ZNF267: variants seen among roughly 807,000 people sequenced by gnomAD.
The protein encoded by ZNF267 is zinc finger protein 267.
ZNF267 carries 61 observed loss-of-function variants against 71.6 expected under a neutral mutation model. The observed-to-expected ratio is 0.85, with a 90% CI of 0.69 to 1.05. The LOEUF (loss-of-function observed/expected upper bound fraction) is 1.05. Among genes scored for constraint, ZNF267 ranks in the 50% least tolerant of loss-of-function variants. The pLI is 0.00. For synonymous variants in ZNF267, 288 were observed against 293.2 expected, an observed-to-expected ratio of 0.98 and a Z score of 0.18; for missense variants, 852 against 870.0, an observed-to-expected ratio of 0.98 and a Z score of 0.26.
intron 3 of ZNF267, among the ~76,000 whole-genome samples, chr16:31,909,097 C>G (rs2084114613): frequency 8.5e-6 from 1 of 117,036 alleles, no homozygotes; most frequent in Non-Finnish European, 1.8e-5. Context: ...GTGTCCTCTT[C>G]TATCTTCTAT....
At chr16:31,878,632 T>TG (rs1567470959) in intron 1 of ZNF267, among the ~76,000 whole-genome samples, 1 of 152,050 alleles carries the variant, frequency 6.6e-6, no homozygotes, top group African/African-American at 2.4e-5. Context: ...GACCCAGGGA[T>TG]ATGTCAGAGC....
Position 31,914,843 on chromosome 16 carries a change from G to A in ZNF267, c.594G>A (p.Arg198=). 6.2e-7 allele frequency: 1 copy of A among 1,610,736 alleles called. No individual in the cohort carries two copies. Among genetic ancestry groups the A allele is most frequent in the Non-Finnish European group, 8.5e-7 (1 of 1,179,016 alleles). ...HIYDKTSVLF[R]QVSTLNSYRN... ...ATGATAAAACTTCAGTGTTATTTAG[G>A]CAGGTCTCTACTCTAAATAGTTACC... Residue 198 remains arginine, a synonymous_variant, in exon 4 of 4, where the codon AGG becomes AGA. Coordinates refer to ENST00000300870, the MANE Select transcript of ZNF267 (RefSeq NM_003414.6).
intron 1 of ZNF267, among the ~76,000 whole-genome samples, chr16:31,881,058 G>C (rs1039222055): frequency 1.3e-5 from 2 of 152,302 alleles, no homozygotes; most frequent in Middle Eastern, 3.4e-3. Context: ...GTGGACAAAA[G>C]AGTTGTTATT....
At chr16:31,884,026 G>A (rs2083907510) in intron 1 of ZNF267, among the ~76,000 whole-genome samples, 1 of 148,238 alleles carries the variant, frequency 6.7e-6, no homozygotes, top group African/African-American at 2.7e-5. Flanking sequence ...GTGGCAGAGC[G>A]AGACCCTGTG....
chr16:31,890,900 A>T (rs887579126), intron 3 of ZNF267, among the ~76,000 whole-genome samples: 5 of 152,236 alleles, frequency 3.3e-5, no homozygotes, highest in Non-Finnish European at 7.3e-5. Flanking sequence ...TTTGGAGGTG[A>T]CATTCAGTCT....
In ZNF267 at chr16:31,875,074, A is replaced by G. The variant is rs1286145117; in HGVS notation, c.3+1105A>G. ...GCAAAAAAAACTGTGCCTCTTTTTC[A>G]TTCATCTTCCCCAGGCACAGACACG... is the stretch of plus-strand genomic sequence containing the variant. On this transcript the variant is annotated intron_variant, in intron 1 of 3. Transcript: ENST00000300870. 8 of 1,265,412 alleles carry G rather than the reference A, an allele frequency of 6.3e-6. No homozygotes were observed. In the East Asian group the frequency reaches 2.8e-4, roughly 44 times the overall value. The allele number at this position is 1,265,412 out of a possible 1,614,324, so 78.4% of individuals were successfully genotyped here. A position where few individuals can be genotyped will look rare whatever the true frequency, so the allele number is the denominator to read the frequency against.
chr16:31,906,555 G>A (rs995219624), intron 3 of ZNF267, among the ~76,000 whole-genome samples: 28 of 152,218 alleles, frequency 1.8e-4, no homozygotes, highest in African/African-American at 6.0e-4. Flanking sequence ...GTGAGACTCC[G>A]TGGGTGTAGG....
chr16:31,895,568 C>T (rs1243876323), intron 3 of ZNF267, among the ~76,000 whole-genome samples: 1 of 152,198 alleles, frequency 6.6e-6, no homozygotes, highest in Non-Finnish European at 1.5e-5. Context: ...AGTGGCTATA[C>T]TAATTTATAA....
chr16:31,889,802 C>A (rs902584040), intron 3 of ZNF267, among the ~76,000 whole-genome samples: 1 of 152,166 alleles, frequency 6.6e-6, no homozygotes, highest in African/African-American at 2.4e-5. Flanking sequence ...CCAAAGAATT[C>A]TTGAGGGATC....
chr16:31,887,736 C>CT (rs1182376724), intron 3 of ZNF267, among the ~76,000 whole-genome samples: 1 of 151,966 alleles, frequency 6.6e-6, no homozygotes, highest in Non-Finnish European at 1.5e-5. Flanking sequence ...TTCCATTGGT[C>CT]TATGTGTCTG....
At chr16:31,877,294 A>G (rs536919377) in intron 1 of ZNF267, among the ~76,000 whole-genome samples, 47 of 152,144 alleles carry the variant, frequency 3.1e-4, no homozygotes, top group Non-Finnish European at 6.2e-4. Flanking sequence ...AAACAAATTC[A>G]GGTTTAGGTA....
intron 1 of ZNF267, 137 bp from the exon 2 acceptor site, chr16:31,884,361 A>T: frequency 9.5e-7 from 1 of 1,048,908 alleles, no homozygotes; most frequent in Non-Finnish European, 1.4e-6. Context: ...AGAAAATATT[A>T]CTGTGTTAAA....
intron 3 of ZNF267, among the ~76,000 whole-genome samples, chr16:31,902,660 T>C (rs1242975071): frequency 6.6e-6 from 1 of 152,258 alleles, no homozygotes; most frequent in Non-Finnish European, 1.5e-5. Context: ...GAGACTTTGC[T>C]GAAGTTGCTT....
In ZNF267 at chr16:31,885,260, G is replaced by C; in HGVS notation, c.226+4G>C. 6.2e-7 allele frequency: 1 copy of C among 1,604,724 alleles called. No homozygotes were observed. Among genetic ancestry groups the C allele is most frequent in the Non-Finnish European group, 8.5e-7 (1 of 1,175,392 alleles). On this transcript the variant is annotated splice_donor_region_variant and intron_variant, in intron 3 of 3. Coordinates refer to ENST00000300870, the MANE Select transcript of ZNF267 (RefSeq NM_003414.6). ...GAGACAGTAGCCATCCAGCCAGGTA[G>C]GTGGGAGCGAATGAAGTAGATGACA...
At chr16:31,896,461 A>T (rs1322189102) in intron 3 of ZNF267, among the ~76,000 whole-genome samples, 1 of 152,204 alleles carries the variant, frequency 6.6e-6, no homozygotes, top group East Asian at 1.9e-4. Context: ...TTTTTGGTAT[A>T]TGGTGAGTGG....
intron 3 of ZNF267, among the ~76,000 whole-genome samples, chr16:31,886,721 A>G (rs1005458495): frequency 1.3e-5 from 2 of 152,206 alleles, no homozygotes; most frequent in African/African-American, 2.4e-5. Context: ...ACTTGTTACC[A>G]TAATGTCTAC....
At chr16:31,895,554 C>A (rs1223351215) in intron 3 of ZNF267, among the ~76,000 whole-genome samples, 1 of 152,174 alleles carries the variant, frequency 6.6e-6, no homozygotes, top group Non-Finnish European at 1.5e-5. Context: ...ATACCATTTT[C>A]TATAGTGGCT....
chr16:31,905,783 C>A (rs893151412), intron 3 of ZNF267, among the ~76,000 whole-genome samples: 22 of 152,300 alleles, frequency 1.4e-4, no homozygotes, highest in Admixed American at 5.9e-4. Flanking sequence ...TCTTCTCTCA[C>A]CTCGTCAAAG....
Position 31,875,007 on chromosome 16 carries a change from G to A in ZNF267, c.3+1038G>A, listed in dbSNP as rs543795919. 1,015 of 691,604 alleles carry A rather than the reference G, an allele frequency of 1.5e-3. 7 individuals carry two copies. The highest frequency in any genetic ancestry group is 0.011 in the Middle Eastern group (36 of 3,382). The allele number at this position is 691,604 out of a possible 1,614,324, so 42.8% of individuals were successfully genotyped here. On this transcript the variant is annotated intron_variant, in intron 1 of 3. Transcript: ENST00000300870. The stretch of plus-strand genomic sequence containing the variant: ...TGTGTTTTTTTGGCATACATTTCAC[G>A]TGAGAGGAAAGCAGAGAATAAAAAA...
Sources: allele counts gnomAD v4.1 joint callset (sites outside exome capture counted in the v4.1 genomes callset), GRCh38; gene constraint gnomAD v4.1.1; transcripts MANE v1.5; gene names NCBI Gene and HGNC (gene_info 2026-07-23, HGNC 2026-07-21).